The following HNRNPU variants were observed in gnomAD, a reference collection of about 807,000 sequenced individuals.
The protein encoded by HNRNPU is heterogeneous nuclear ribonucleoprotein U.
In HNRNPU, 5 loss-of-function variants were observed where a neutral mutation model predicts 94.7. The ratio of observed to expected loss-of-function variants is 0.05; its 90% CI spans 0.03 to 0.11. The LOEUF (loss-of-function observed/expected upper bound fraction) is 0.11. Ranked by LOEUF, HNRNPU falls within the 10% of genes least tolerant of loss-of-function variation. HNRNPU has a pLI of 1.00. For missense variants in HNRNPU, 710 were observed against 1,049.2 expected (o/e 0.68, Z 4.47); for synonymous variants, 434 against 381.6 (o/e 1.14, Z -1.60).
chr1:244,860,004 A>C (rs573286552), intron 4 of HNRNPU: 2 of 215,260 alleles, frequency 9.3e-6, no homozygotes, highest in East Asian at 1.1e-4. Context: ...CACTATTTTA[A>C]AAAGGAAAAA....
Position 244,863,609 on chromosome 1 carries a change from G to C in HNRNPU, c.691+8C>G. 1.3e-6 allele frequency: 2 copies of C among 1,506,076 alleles called. No individual in the cohort carries two copies. Among genetic ancestry groups the C allele is most frequent in the Non-Finnish European group, 8.8e-7 (1 of 1,142,632 alleles). The allele number at this position is 1,506,076 out of a possible 1,614,324, so 93.3% of individuals were successfully genotyped here. A position where few individuals can be genotyped will look rare whatever the true frequency, so the allele number is the denominator to read the frequency against. The stretch of plus-strand genomic sequence containing the variant: ...CCCGCCGCGCGCAACGTACAACGCA[G>C]CACTCACCCGCCGCCGGAGCCCCGG... On this transcript the variant is annotated splice_region_variant and intron_variant, in intron 1 of 13. Transcript: ENST00000640218.
intron 8 of HNRNPU, 91 bp downstream of exon 8, chr1:244,857,506 CA>C: frequency 1.5e-6 from 2 of 1,330,334 alleles, no homozygotes; most frequent in Non-Finnish European, 1.0e-6. Flanking sequence ...CTCAGCCTCT[CA>C]AAATGCTGAG....
At chr1:244,858,545 T>A (rs1447798123) in intron 6 of HNRNPU, 184 bp downstream of exon 6, 3 of 610,978 alleles carry the variant, frequency 4.9e-6, no homozygotes, top group Non-Finnish European at 5.8e-6. Flanking sequence ...AATGAATTAG[T>A]GAGTTCCTCA....
At chr1:244,856,247 A>G (rs954576776) in intron 10 of HNRNPU, 89 bp from the exon 11 acceptor site, 36 of 1,359,264 alleles carry the variant, frequency 2.6e-5, no homozygotes, top group Middle Eastern at 2.2e-4. Flanking sequence ...GTTTAGTAAC[A>G]TATTTTCCTA....
At position 244,858,713 on chromosome 1, in the gene HNRNPU, G is replaced by A. The variant is rs1680745789; in HGVS notation, c.1230+16C>T. The stretch of plus-strand genomic sequence containing the variant: ...TAACTTTGCCATTTATACATAGAAA[G>A]TTAGCTTTAACTTACAGCAAAACAT... On this transcript the variant is annotated intron_variant, in intron 6 of 13. Transcript: ENST00000640218. 2 of 1,378,032 alleles carry A rather than the reference G, an allele frequency of 1.5e-6. No individual in the cohort carries two copies. The highest frequency in any genetic ancestry group is 2.3e-5 in the East Asian group (1 of 43,714). The allele number at this position is 1,378,032 out of a possible 1,614,324, so 85.4% of individuals were successfully genotyped here.
chr1:244,862,326 G>A (rs1053823714), intron 3 of HNRNPU, 135 bp downstream of exon 3: 2 of 622,808 alleles, frequency 3.2e-6, no homozygotes, highest in Admixed American at 6.1e-5. Context: ...GGTTCTGAAT[G>A]TAAACCATTA....
chr1:244,856,752 C>T lies in HNRNPU; in HGVS notation c.1719G>A (p.Lys573=). 1.2e-6 allele frequency: 2 copies of T among 1,611,518 alleles called. No homozygotes were observed. Among genetic ancestry groups the T allele is most frequent in the Non-Finnish European group, 1.7e-6 (2 of 1,179,294 alleles). The part of the protein sequence containing the change: ...LGKFIEIAAR[K]KRNFILDQTN... Reference sequence around the variant, plus strand: ...CCTGATCCAGAATAAAATTTCGCTTCTTTCGGGCAGCAATCTCAATAAATT... The same window carrying T: ...CCTGATCCAGAATAAAATTTCGCTTTTTTCGGGCAGCAATCTCAATAAATT... The change falls in exon 9 of 14, where the codon AAG becomes AAA. Residue 573 remains lysine, a synonymous_variant. Transcript: ENST00000640218.
chr1:244,859,086 A>G (rs1003541557), intron 5 of HNRNPU, 189 bp downstream of exon 5: 1 of 580,836 alleles, frequency 1.7e-6, no homozygotes, highest in Non-Finnish European at 3.0e-6. Context: ...CATTGGTCAT[A>G]AACTTCTAAT....
intron 3 of HNRNPU, 59 bp downstream of exon 3, chr1:244,862,402 A>AAAAG: frequency 8.3e-7 from 1 of 1,198,696 alleles, no homozygotes. Flanking sequence ...TTCTAAAAAA[A>AAAAG]AAAAAAAAAA....
rs1432009741 is a variant in HNRNPU, at chr1:244,858,780, A to C, written c.1179T>G (p.Thr393=). The change falls in exon 6 of 14, where the codon ACT becomes ACG. Residue 393 remains threonine (T), a synonymous_variant. Transcript: ENST00000640218. The part of the protein sequence containing the change: ...LKGIKTCNCE[T]EDYGEKFDEN... The stretch of plus-strand genomic sequence containing the variant: ...CATCAAACTTTTCTCCATAATCTTC[A>C]GTCTCACAGTTGCATGTTTTTATTC... 6.3e-7 allele frequency: 1 copy of C among 1,599,088 alleles called. No individual in the cohort carries two copies. Among genetic ancestry groups the C allele is most frequent in the Admixed American group, 1.7e-5 (1 of 59,828 alleles).
At position 244,856,242 on chromosome 1, in the gene HNRNPU, G is replaced by C. The variant is rs373042555; in HGVS notation, c.1913-84C>G. 5 of 1,385,430 alleles carry C rather than the reference G, an allele frequency of 3.6e-6. No homozygotes were observed. In the African/African-American group the frequency reaches 4.4e-5, roughly 12 times the overall value. The allele number at this position is 1,385,430 out of a possible 1,614,324, so 85.8% of individuals were successfully genotyped here. A position where few individuals can be genotyped will look rare whatever the true frequency, so the allele number is the denominator to read the frequency against. On this transcript the variant is annotated intron_variant, in intron 10 of 13. Transcript: ENST00000640218. Reference sequence around the variant, plus strand: ...TAAAGCTGACAATTCTTGAGGTTTAGTAACATATTTTCCTAAAAATAAAAA... The same window carrying C: ...TAAAGCTGACAATTCTTGAGGTTTACTAACATATTTTCCTAAAAATAAAAA...
chr1:244,859,166 GAATA>G (rs1233582092), intron 5 of HNRNPU, 105 bp downstream of exon 5: 6 of 643,646 alleles, frequency 9.3e-6, no homozygotes, highest in African/African-American at 7.3e-5. Flanking sequence ...AGTATTAACA[GAATA>G]GATAAAAACA....
At chr1:244,860,597 A>G (rs1680800911) in intron 3 of HNRNPU, 123 bp from the exon 4 acceptor site, 2 of 695,738 alleles carry the variant, frequency 2.9e-6, no homozygotes, top group Admixed American at 3.1e-5. Context: ...TTTTCTCCAC[A>G]TCATGCTGTT....
chr1:244,861,753 A>C (rs1680837209), intron 3 of HNRNPU: 1 of 151,994 alleles, frequency 6.6e-6, no homozygotes, highest in Admixed American at 6.6e-5. Context: ...AAAAAAAAAA[A>C]AAAAAAAAAC....
Position 244,863,858 on chromosome 1 carries a change from T to C in HNRNPU, c.450A>G (p.Glu150=), listed in dbSNP as rs1461052775. 3 of 1,612,930 alleles carry C rather than the reference T, an allele frequency of 1.9e-6. No individual in the cohort carries two copies. Among genetic ancestry groups the C allele is most frequent in the Non-Finnish European group, 2.5e-6 (3 of 1,179,682 alleles). ...CGTGCCCGTTCTCGTCGCCCGCGCC[T>C]TCCTCTTCGTCCCCGAGCTCATCTT... ...EGEDELGDEE[E]GAGDENGHGE... Residue 150 remains glutamate, a synonymous_variant, in exon 1 of 14, where the codon GAA becomes GAG. Coordinates refer to ENST00000640218, the MANE Select transcript of HNRNPU (RefSeq NM_031844.3).
chr1:244,859,992 G>C, intron 4 of HNRNPU: 1 of 196,952 alleles, frequency 5.1e-6, no homozygotes, highest in Non-Finnish European at 1.0e-5. Context: ...GTGAGACCTT[G>C]TCACTATTTT....
intron 1 of HNRNPU, 32 bp from the exon 2 acceptor site, chr1:244,862,762 G>C: frequency 6.6e-7 from 1 of 1,524,320 alleles, no homozygotes; most frequent in East Asian, 2.2e-5. Context: ...TAAAGGCCAA[G>C]CCTCTAAACA....
rs1345142654 is a variant in HNRNPU, at chr1:244,855,591, C to T, written c.2185G>A (p.Gly729Arg). 3 of 1,613,750 alleles carry T rather than the reference C, an allele frequency of 1.9e-6. No homozygotes were observed. The highest frequency in any genetic ancestry group is 1.7e-5 in the Admixed American group (1 of 59,976). Residue 729 changes from glycine to arginine, a missense_variant, in exon 12 of 14, where the codon GGA becomes AGA. Gly to Arg is a moderately radical substitution (Grantham distance 125). Coordinates refer to ENST00000640218, the MANE Select transcript of HNRNPU (RefSeq NM_031844.3). ...FRGGAPGNRG[G>R]YNRRGNMPQR... ...GGCATGTTGCCCCTCCTATTATATC[C>T]GCCACGATTCCCAGGGGCTAAAAGA... is the stretch of plus-strand genomic sequence containing the variant.
At chr1:244,854,587 C>G in intron 13 of HNRNPU, 84 bp from the exon 14 acceptor site, 1 of 924,720 alleles carries the variant, frequency 1.1e-6, no homozygotes, top group Non-Finnish European at 1.8e-6. Context: ...GAATCTAATT[C>G]AGAGTAATTT....
Sources: gnomAD v4.1 joint callset for allele counts on GRCh38, gnomAD v4.1.1 for gene constraint, MANE v1.5 for transcripts, NCBI Gene and HGNC (gene_info 2026-07-23, HGNC 2026-07-21) for gene names.